Variants in PPM1B observed in about 807,000 individuals in gnomAD.
PPM1B encodes protein phosphatase 1B.
Under a neutral mutation model 43.0 loss-of-function variants are expected in PPM1B, and 22 were observed. That is an observed-to-expected ratio of 0.51 (90% CI 0.37 to 0.73). The LOEUF is 0.73. Among genes scored for constraint, PPM1B ranks in the 30% least tolerant of loss-of-function variants. The pLI, the probability that PPM1B is intolerant of heterozygous loss-of-function variation, is 0.00. For synonymous variants in PPM1B, 217 were observed against 197.9 expected (o/e 1.10, Z -0.81); for missense variants, 632 against 584.2 (o/e 1.08, Z -0.84).
intron 3 of PPM1B, 28 bp downstream of exon 3, chr2:44,209,355 G>T (rs866161355): frequency 1.9e-6 from 3 of 1,611,776 alleles, no homozygotes; most frequent in Admixed American, 1.7e-5. Context: ...TAAAAATATA[G>T]ACAGGCCAGG....
chr2:44,169,729 C>T (rs1212173983), intron 1 of PPM1B, among the ~76,000 whole-genome samples: 1 of 152,246 alleles, frequency 6.6e-6, no homozygotes, highest in African/African-American at 2.4e-5. Flanking sequence ...CACTTCACTT[C>T]CTTGTTAAAT....
intron 2 of PPM1B, among the ~76,000 whole-genome samples, chr2:44,204,808 G>A (rs932741958): frequency 6.0e-5 from 8 of 132,750 alleles, no homozygotes; most frequent in Middle Eastern, 0.011. Context: ...GCAGTGAGCC[G>A]AGATCACGCC....
chr2:44,179,535 G>A (rs570222498), intron 1 of PPM1B, among the ~76,000 whole-genome samples: 206 of 151,876 alleles, frequency 1.4e-3, no homozygotes, highest in African/African-American at 4.8e-3. Context: ...GTTTTATTTT[G>A]ACTTTAATTT....
At chr2:44,226,735 C>CTTTTTTTTTTTTTTTT (rs60750702) in intron 5 of PPM1B, among the ~76,000 whole-genome samples, 2 of 66,690 alleles carry the variant, frequency 3.0e-5, no homozygotes, top group Admixed American at 2.3e-4. Context: ...AGGTTTTTAT[C>CTTTTTTTTTTTTTTTT]TTTTTTTTTT....
At chr2:44,210,834 T>C (rs1669428893) in intron 3 of PPM1B, among the ~76,000 whole-genome samples, 3 of 152,122 alleles carry the variant, frequency 2.0e-5, no homozygotes, top group Admixed American at 2.0e-4. Context: ...AACTGTAGTA[T>C]ATCCATAAAA....
chr2:44,189,489 T>C (rs1668300751), intron 1 of PPM1B, among the ~76,000 whole-genome samples: 1 of 152,080 alleles, frequency 6.6e-6, no homozygotes, highest in Admixed American at 6.5e-5. Context: ...TTATTGATTT[T>C]CGAGAGCCTC....
At chr2:44,174,318 A>C (rs1667481913) in intron 1 of PPM1B, among the ~76,000 whole-genome samples, 1 of 152,254 alleles carries the variant, frequency 6.6e-6, no homozygotes, top group South Asian at 2.1e-4. Context: ...TCTCATACTT[A>C]GAGGAGACAG....
intron 1 of PPM1B, among the ~76,000 whole-genome samples, chr2:44,173,985 T>A (rs1366289422): frequency 6.6e-6 from 1 of 152,184 alleles, no homozygotes. Context: ...TTGTTTAACC[T>A]CAAGAACCTT....
chr2:44,183,742 T>C (rs1468977985), intron 1 of PPM1B, among the ~76,000 whole-genome samples: 4 of 152,154 alleles, frequency 2.6e-5, no homozygotes. Flanking sequence ...TTAGTTTTTT[T>C]TTCTTCTTTT....
chr2:44,201,083 T>TA lies in PPM1B; in HGVS notation c.-14-95dup, dbSNP rs1248762200. 6.1e-5 allele frequency: 75 copies of TA among 1,222,904 alleles called. No homozygotes were observed. Among genetic ancestry groups the TA allele is most frequent in the Admixed American group, 2.0e-4 (7 of 34,254 alleles). 75.8% of individuals were successfully genotyped at this position (1,222,904 alleles called of 1,614,324 possible). On this transcript the variant is annotated intron_variant, in intron 1 of 5. Transcript: ENST00000282412. This position sits in a 1 kb window ranked among gnomAD's most constrained non-coding sequence, Gnocchi z 5.4. Reference sequence around the variant, plus strand: ...TTGCTCCCGTAAATTAGGATAATACTAAAAAAAATACTTGAGGTAGGAGTT... The same window carrying TA: ...TTGCTCCCGTAAATTAGGATAATACTAAAAAAAAATACTTGAGGTAGGAGTT...
chr2:44,227,949 T>C (rs1670295283), intron 5 of PPM1B, among the ~76,000 whole-genome samples: 1 of 127,334 alleles, frequency 7.9e-6, no homozygotes, highest in Non-Finnish European at 1.6e-5. Context: ...TGAGATAGAG[T>C]CTCACTTTGT....
intron 5 of PPM1B, among the ~76,000 whole-genome samples, chr2:44,240,693 C>G (rs1169333609): frequency 2.1e-5 from 3 of 146,002 alleles, no homozygotes; most frequent in Non-Finnish European, 4.6e-5. Flanking sequence ...AGACAATTTT[C>G]CTGATTTAAG....
chr2:44,239,089 C>A (rs1321512630), downstream of PPM1B, among the ~76,000 whole-genome samples: 2 of 149,830 alleles, frequency 1.3e-5, no homozygotes, highest in African/African-American at 4.9e-5. Flanking sequence ...CAGGAGGATC[C>A]CTTAAGCCCA....
At chr2:44,215,040 A>T (rs1669658126) in intron 3 of PPM1B, among the ~76,000 whole-genome samples, 1 of 152,194 alleles carries the variant, frequency 6.6e-6, no homozygotes, top group South Asian at 2.1e-4. Context: ...TCTTCTGCAT[A>T]GTTAGTAACT....
downstream of PPM1B, among the ~76,000 whole-genome samples, chr2:44,239,179 C>CAAAAAAAAAAAAAA (rs1193340508): frequency 3.3e-5 from 3 of 89,634 alleles, no homozygotes; most frequent in Non-Finnish European, 4.6e-5. Flanking sequence ...GTCTCTAATA[C>CAAAAAAAAAAAAAA]AAAAAAAAAA....
At chr2:44,206,628 C>T (rs190242946) in intron 2 of PPM1B, among the ~76,000 whole-genome samples, 257 of 152,264 alleles carry the variant, frequency 1.7e-3, no homozygotes, top group African/African-American at 5.9e-3. Context: ...TTACCAAAAA[C>T]TCAAAAGGGT....
At chr2:44,219,532 A>G (rs1032180999) in intron 5 of PPM1B, among the ~76,000 whole-genome samples, 1 of 152,180 alleles carries the variant, frequency 6.6e-6, no homozygotes, top group Admixed American at 6.5e-5. Context: ...TTAATAATTA[A>G]TATAATTTTA....
At chr2:44,180,761 G>A (rs988891212) in intron 1 of PPM1B, among the ~76,000 whole-genome samples, 3 of 151,802 alleles carry the variant, frequency 2.0e-5, no homozygotes, top group African/African-American at 7.3e-5. Context: ...CAGGCGTGGG[G>A]CACCATACCT....
chr2:44,172,391 T>G (rs1667389155), intron 1 of PPM1B, among the ~76,000 whole-genome samples: 1 of 152,230 alleles, frequency 6.6e-6, no homozygotes, highest in Admixed American at 6.5e-5. Flanking sequence ...TGGGAACTAT[T>G]TAATTTTTGT....
Sources: gnomAD v4.1 joint callset for allele counts (sites outside exome capture counted in the v4.1 genomes callset) on GRCh38, gnomAD v4.1.1 for gene constraint, Gnocchi (gnomAD v3.1) non-coding constraint, MANE v1.5 for transcripts, NCBI Gene and HGNC (gene_info 2026-07-23, HGNC 2026-07-21) for gene names.